ANKFN1: variants seen among roughly 807,000 people sequenced by gnomAD.
ANKFN1 encodes the protein ankyrin repeat and fibronectin type III domain containing 1, also known as ankyrin repeat and fibronectin type-III domain-containing protein 1.
Under a neutral mutation model 108.7 loss-of-function variants are expected in ANKFN1, and 74 were observed. That is an observed-to-expected ratio of 0.68 (90% CI 0.56 to 0.83). The LOEUF is 0.83. ANKFN1 is among the 40% of genes least tolerant of loss of function. ANKFN1 has a pLI of 0.00. For synonymous variants in ANKFN1, 547 were observed against 516.2 expected (o/e 1.06, Z -0.81); for missense variants, 1,505 against 1,382.3 (o/e 1.09, Z -1.41).
At chr17:56,134,454 C>T (rs538306791) in intron 4 of ANKFN1, among the ~76,000 whole-genome samples, 45 of 152,156 alleles carry the variant, frequency 3.0e-4, no homozygotes, top group African/African-American at 8.9e-4. Context: ...TTCTGGTGAC[C>T]GGCCCCTATC....
At chr17:56,503,325 C>T (rs921186661) in intron 20 of ANKFN1, among the ~76,000 whole-genome samples, 1 of 151,660 alleles carries the variant, frequency 6.6e-6, no homozygotes, top group Non-Finnish European at 1.5e-5. Context: ...AAAAAATCAA[C>T]AAGAATCTGG....
intron 4 of ANKFN1, among the ~76,000 whole-genome samples, chr17:56,066,607 G>A (rs375136369): frequency 3.3e-5 from 5 of 151,984 alleles, no homozygotes; most frequent in African/African-American, 1.2e-4. Context: ...TGCATAACAT[G>A]ACGTGTATCA....
At chr17:56,186,625 C>A (rs900111315) in intron 1 of ANKFN1, among the ~76,000 whole-genome samples, 5 of 152,150 alleles carry the variant, frequency 3.3e-5, no homozygotes, top group Non-Finnish European at 5.9e-5. Flanking sequence ...ATGACTTATC[C>A]CCTGGCTCCC....
At chr17:56,455,403 C>G (rs993470262) in intron 11 of ANKFN1, among the ~76,000 whole-genome samples, 3 of 152,176 alleles carry the variant, frequency 2.0e-5, no homozygotes, top group African/African-American at 7.2e-5. Context: ...CTTTGTTCTG[C>G]AAGGAATAAC....
intron 8 of ANKFN1, among the ~76,000 whole-genome samples, chr17:56,391,387 T>A: frequency 6.8e-6 from 1 of 147,574 alleles, no homozygotes; most frequent in Admixed American, 6.7e-5. Context: ...TGTGTGTGTG[T>A]GTGTGTGTGT....
chr17:56,199,743 C>T (rs184862930), intron 1 of ANKFN1, among the ~76,000 whole-genome samples: 40 of 152,186 alleles, frequency 2.6e-4, no homozygotes, highest in East Asian at 1.7e-3. Flanking sequence ...TCTGAATTTT[C>T]GATAAACAAC....
chr17:56,141,923 C>CTGTTTT (rs1294074019), intron 4 of ANKFN1, among the ~76,000 whole-genome samples: 2 of 95,654 alleles, frequency 2.1e-5, no homozygotes, highest in African/African-American at 4.7e-5. Flanking sequence ...CGATGGTGTA[C>CTGTTTT]TTTTTTTTTT....
intron 2 of ANKFN1, among the ~76,000 whole-genome samples, chr17:56,216,615 G>A (rs1009624111): frequency 9.8e-5 from 15 of 152,294 alleles, no homozygotes; most frequent in African/African-American, 3.4e-4. Flanking sequence ...TCAGTTAATC[G>A]GAGAAGGGTG....
intron 3 of ANKFN1, among the ~76,000 whole-genome samples, chr17:56,311,905 C>G (rs1181825588): frequency 2.0e-5 from 3 of 151,820 alleles, no homozygotes; most frequent in African/African-American, 7.3e-5. Flanking sequence ...GGATACTCAA[C>G]TTGTAGTCCC....
At chr17:56,410,980 A>G (rs1347045549) in intron 8 of ANKFN1, among the ~76,000 whole-genome samples, 1 of 152,096 alleles carries the variant, frequency 6.6e-6, no homozygotes, top group Non-Finnish European at 1.5e-5. Context: ...GATTGCTTTG[A>G]TTATTTTGAG....
At chr17:56,226,417 C>T (rs1916274607) in intron 2 of ANKFN1, among the ~76,000 whole-genome samples, 1 of 152,244 alleles carries the variant, frequency 6.6e-6, no homozygotes, top group South Asian at 2.1e-4. Flanking sequence ...AGCCCCACTC[C>T]TAACCACCTT....
chr17:56,277,468 G>A (rs1292095960), intron 3 of ANKFN1, among the ~76,000 whole-genome samples: 2 of 151,774 alleles, frequency 1.3e-5, no homozygotes, highest in Non-Finnish European at 2.9e-5. Context: ...TCACTCTCCT[G>A]TATTGAGTAC....
intron 4 of ANKFN1, among the ~76,000 whole-genome samples, chr17:56,048,934 C>T (rs1904727046): frequency 1.3e-5 from 2 of 152,084 alleles, no homozygotes; most frequent in Admixed American, 6.5e-5. Context: ...TGAAGACTAG[C>T]AAAGGTAATC....
At chr17:56,328,349 C>A (rs1567917197) in intron 4 of ANKFN1, among the ~76,000 whole-genome samples, 1 of 152,066 alleles carries the variant, frequency 6.6e-6, no homozygotes, top group Non-Finnish European at 1.5e-5. Flanking sequence ...AAAATTTGTC[C>A]CATCTCTTAG....
At chr17:56,108,119 T>A (rs564653376) in intron 4 of ANKFN1, among the ~76,000 whole-genome samples, 1 of 152,332 alleles carries the variant, frequency 6.6e-6, no homozygotes, top group South Asian at 2.1e-4. Context: ...AATTGCAACC[T>A]CTGCCTCCCA....
chr17:56,193,591 AAAAG>A (rs1913218073), intron 1 of ANKFN1, among the ~76,000 whole-genome samples: 1 of 152,082 alleles, frequency 6.6e-6, no homozygotes, highest in Admixed American at 6.5e-5. Context: ...AAAAAAAAAA[AAAAG>A]AATCTAGACA....
At chr17:56,236,905 G>A (rs2143968625) in intron 3 of ANKFN1, among the ~76,000 whole-genome samples, 1 of 152,224 alleles carries the variant, frequency 6.6e-6, no homozygotes, top group South Asian at 2.1e-4. Context: ...GTTCTCTGTG[G>A]GTTTGTCATG....
intron 3 of ANKFN1, among the ~76,000 whole-genome samples, chr17:56,293,511 G>T (rs542319999): frequency 9.9e-5 from 15 of 152,272 alleles, no homozygotes; most frequent in African/African-American, 2.9e-4. Context: ...CACTGGTTTC[G>T]TGCAGGGTAA....
chr17:56,307,173 A>T (rs2044855104), intron 3 of ANKFN1, among the ~76,000 whole-genome samples: 1 of 152,220 alleles, frequency 6.6e-6, no homozygotes, highest in Non-Finnish European at 1.5e-5. Flanking sequence ...ATGGGCAAGG[A>T]CTTCATGTCT....
Sources: gnomAD v4.1 joint callset for allele counts (sites outside exome capture counted in the v4.1 genomes callset) on GRCh38, gnomAD v4.1.1 for gene constraint, MANE v1.5 for transcripts, NCBI Gene and HGNC (gene_info 2026-07-23, HGNC 2026-07-21) for gene names.